Variants in HCN1 observed in about 807,000 individuals in gnomAD.
HCN1 encodes the protein potassium/sodium hyperpolarization-activated cyclic nucleotide-gated channel 1.
In HCN1, 13 loss-of-function variants were observed where a neutral mutation model predicts 78.9. That is an observed-to-expected ratio of 0.16 (90% CI 0.11 to 0.26). The LOEUF is 0.26. HCN1 is among the 10% of genes least tolerant of loss of function. The pLI, the probability that HCN1 is intolerant of heterozygous loss-of-function variation, is 1.00. For missense variants in HCN1, 810 were observed against 1,154.3 expected, an observed-to-expected ratio of 0.70 and a Z score of 4.32; for synonymous variants, 552 against 455.5, an observed-to-expected ratio of 1.21 and a Z score of -2.70.
intron 2 of HCN1, among the ~76,000 whole-genome samples, chr5:45,541,145 A>G (rs562757136): frequency 6.6e-6 from 1 of 152,286 alleles, no homozygotes; most frequent in Non-Finnish European, 1.5e-5. Context: ...TGTGGGCTGT[A>G]CTCCACGTAC....
chr5:45,332,805 G>A (rs1746372761), intron 5 of HCN1, among the ~76,000 whole-genome samples: 1 of 151,596 alleles, frequency 6.6e-6, no homozygotes, highest in Non-Finnish European at 1.5e-5. Flanking sequence ...CCACGTTGTT[G>A]CAAATAACAG....
chr5:45,683,560 C>G (rs1486752853), intron 1 of HCN1, among the ~76,000 whole-genome samples: 1 of 152,048 alleles, frequency 6.6e-6, no homozygotes, highest in Non-Finnish European at 1.5e-5. Context: ...CACCAGGTAG[C>G]TAGCCTCAAA....
chr5:45,404,547 A>G (rs914657528), intron 3 of HCN1, among the ~76,000 whole-genome samples: 9 of 151,762 alleles, frequency 5.9e-5, no homozygotes, highest in African/African-American at 2.2e-4. Context: ...ATGGGAACAT[A>G]GTAAGTACCT....
Position 45,311,339 on chromosome 5 carries a change from T to G in HCN1, c.1378-7500A>C, listed in dbSNP as rs1052839437. 2.0e-5 allele frequency among the ~76,000 whole-genome samples: 3 copies of G among 152,142 alleles called. No individual in the cohort carries two copies. The East Asian group carries it at 5.8e-4, about 29-fold the overall frequency. The stretch of plus-strand genomic sequence containing the variant: ...AATATGGTTTTTATTTTAAAAGATC[T>G]CAAGTTGCCCACTAGCAAAAGGGTG... On this transcript the variant is annotated intron_variant, in intron 5 of 7. Coordinates refer to ENST00000303230, the MANE Select transcript of HCN1 (RefSeq NM_021072.4).
intron 4 of HCN1, among the ~76,000 whole-genome samples, chr5:45,372,173 A>C (rs374968454): frequency 1.5e-5 from 1 of 66,758 alleles, no homozygotes; most frequent in Non-Finnish European, 2.4e-5. Flanking sequence ...ATATATAATT[A>C]TATTATAATA....
chr5:45,591,854 G>C (rs1187863295), intron 2 of HCN1, among the ~76,000 whole-genome samples: 4 of 152,148 alleles, frequency 2.6e-5, no homozygotes, highest in Admixed American at 6.5e-5. Flanking sequence ...CATCTAAAGA[G>C]TATCACTGAA....
chr5:45,384,371 T>C (rs933165718), intron 4 of HCN1, among the ~76,000 whole-genome samples: 4 of 152,178 alleles, frequency 2.6e-5, no homozygotes, highest in African/African-American at 9.6e-5. Flanking sequence ...TGGTATTTCA[T>C]ATTATTTCAA....
Position 45,378,730 on chromosome 5 carries a change from G to A in HCN1, c.1230+17762C>T, listed in dbSNP as rs548886635. ...GTTGCTGTGCTGCACCCATTAACTC[G>A]TCATTTACATTAGGTATATCTCCTA... On this transcript the variant is annotated intron_variant, in intron 4 of 7. Coordinates refer to ENST00000303230, the MANE Select transcript of HCN1 (RefSeq NM_021072.4). Among the ~76,000 whole-genome samples, 9 of 152,048 alleles carry A rather than the reference G, an allele frequency of 5.9e-5. No homozygotes were observed. In the South Asian group the frequency reaches 1.2e-3, roughly 21 times the overall value.
chr5:45,586,720 C>T (rs904636158), intron 2 of HCN1, among the ~76,000 whole-genome samples: 2 of 152,056 alleles, frequency 1.3e-5, no homozygotes, highest in African/African-American at 4.8e-5. Context: ...GTTGCAGCAG[C>T]AATAGAAAAT....
intron 1 of HCN1, among the ~76,000 whole-genome samples, chr5:45,694,119 C>T (rs1306734895): frequency 6.6e-6 from 1 of 152,148 alleles, no homozygotes; most frequent in Non-Finnish European, 1.5e-5. Context: ...TCCCTATCTT[C>T]CTACTGGAGG....
At chr5:45,598,034 T>G (rs1739514445) in intron 2 of HCN1, among the ~76,000 whole-genome samples, 1 of 152,082 alleles carries the variant, frequency 6.6e-6, no homozygotes, top group African/African-American at 2.4e-5. Flanking sequence ...AAGCTACCAA[T>G]GACTTTGTTC....
At chr5:45,425,756 G>A (rs1211233820) in intron 3 of HCN1, among the ~76,000 whole-genome samples, 1 of 152,142 alleles carries the variant, frequency 6.6e-6, no homozygotes, top group African/African-American at 2.4e-5. Context: ...AATGTATTGT[G>A]ATTTTATTCA....
In HCN1 at chr5:45,534,404, C is replaced by CAAAAAAAAAAAAAAAA. The variant is rs71000637; in HGVS notation, c.850-72413_850-72398dup. ...TGGGCAACAGAGTGAGACTGCATCT[C>CAAAAAAAAAAAAAAAA]AAAAAAAAAAAAAAAAAAAAAAAAA... On this transcript the variant is annotated intron_variant, in intron 2 of 7. Coordinates refer to ENST00000303230, the MANE Select transcript of HCN1 (RefSeq NM_021072.4). Among the ~76,000 whole-genome samples the CAAAAAAAAAAAAAAAA allele has an allele frequency of 2.7e-4, 8 of 29,316 alleles. 1 individual carries two copies. The highest frequency in any genetic ancestry group is 5.1e-4 in the African/African-American group (3 of 5,888). 19.2% of individuals were successfully genotyped at this position (29,316 alleles called of 152,430 possible). A position where few individuals can be genotyped will look rare whatever the true frequency, so the allele number is the denominator to read the frequency against.
At chr5:45,498,497 T>TC in intron 2 of HCN1, among the ~76,000 whole-genome samples, 1 of 152,312 alleles carries the variant, frequency 6.6e-6, no homozygotes, top group South Asian at 2.1e-4. Context: ...CTAACTTTTT[T>TC]CAAAGTTTTC....
At chr5:45,523,888 G>T (rs376607572) in intron 2 of HCN1, among the ~76,000 whole-genome samples, 2 of 152,196 alleles carry the variant, frequency 1.3e-5, no homozygotes, top group East Asian at 1.9e-4. Context: ...GTCAATTTTG[G>T]CTTTTGTTGC....
chr5:45,374,209 A>T (rs1322689625), intron 4 of HCN1, among the ~76,000 whole-genome samples: 1 of 112,990 alleles, frequency 8.9e-6, no homozygotes, highest in Admixed American at 1.0e-4. Flanking sequence ...TACATAACAT[A>T]TATATTATGT....
rs549565285 is a variant in HCN1, at chr5:45,425,373, C to A, written c.1012-28663G>T. 5.3e-5 allele frequency among the ~76,000 whole-genome samples: 8 copies of A among 152,228 alleles called. No individual in the cohort carries two copies. In the South Asian group the frequency reaches 1.4e-3, roughly 28 times the overall value. ...AAACTCAAAAATCATTCATTAAATC[C>A]TTTGACATTAATTACAAAAGTGCAT... is the stretch of plus-strand genomic sequence containing the variant. On this transcript the variant is annotated intron_variant, in intron 3 of 7. Coordinates refer to ENST00000303230, the MANE Select transcript of HCN1 (RefSeq NM_021072.4).
At chr5:45,316,879 G>C (rs1746004746) in intron 5 of HCN1, among the ~76,000 whole-genome samples, 1 of 152,070 alleles carries the variant, frequency 6.6e-6, no homozygotes, top group Non-Finnish European at 1.5e-5. Flanking sequence ...ACCTCTTCAA[G>C]GAGAATTAAA....
intron 4 of HCN1, among the ~76,000 whole-genome samples, chr5:45,373,457 T>G (rs961930206): frequency 1.4e-5 from 2 of 138,216 alleles, no homozygotes; most frequent in African/African-American, 5.3e-5. Context: ...TAATTTATAT[T>G]ATATACATTA....
Sources: gnomAD v4.1 joint callset for allele counts (sites outside exome capture counted in the v4.1 genomes callset) on GRCh38, gnomAD v4.1.1 for gene constraint, MANE v1.5 for transcripts, NCBI Gene and HGNC (gene_info 2026-07-23, HGNC 2026-07-21) for gene names.